MAGI2: variants seen among roughly 807,000 people sequenced by gnomAD.
MAGI2 encodes membrane-associated guanylate kinase, WW and PDZ domain-containing protein 2.
MAGI2 carries 35 observed loss-of-function variants against 133.3 expected under a neutral mutation model. The observed-to-expected ratio is 0.26, with a 90% CI of 0.20 to 0.35. The LOEUF (loss-of-function observed/expected upper bound fraction) is 0.35. MAGI2 is among the 10% of genes least tolerant of loss of function. The probability of loss-of-function intolerance (pLI) is 1.00; values close to 1 mark genes in which losing one functional copy is unlikely to be tolerated. For missense variants in MAGI2, 1,636 were observed against 1,863.4 expected (o/e 0.88, Z 2.25); for synonymous variants, 729 against 710.6 (o/e 1.03, Z -0.41).
intron 1 of MAGI2, among the ~76,000 whole-genome samples, chr7:79,153,398 A>T (rs1823459809): frequency 6.6e-6 from 1 of 152,162 alleles, no homozygotes; most frequent in Non-Finnish European, 1.5e-5. Context: ...ATAATAAAAT[A>T]GTTTTACAAA....
intron 6 of MAGI2, among the ~76,000 whole-genome samples, chr7:78,415,584 C>T (rs1015641346): frequency 1.4e-4 from 21 of 151,958 alleles, no homozygotes; most frequent in African/African-American, 4.8e-4. Context: ...TCTCTGCTCC[C>T]ATTTTCTGAT....
At chr7:79,271,643 G>A (rs1834885464) in intron 1 of MAGI2, among the ~76,000 whole-genome samples, 1 of 149,542 alleles carries the variant, frequency 6.7e-6, no homozygotes, top group African/African-American at 2.4e-5. Flanking sequence ...TATTTCTGCA[G>A]GATGCTTGCT....
chr7:78,322,487 G>A (rs1369322576), intron 9 of MAGI2, among the ~76,000 whole-genome samples: 4 of 152,064 alleles, frequency 2.6e-5, no homozygotes, highest in African/African-American at 7.2e-5. Flanking sequence ...GAAAACCATC[G>A]TTCTCAGCAA....
Position 78,277,599 on chromosome 7 carries a change from G to A in MAGI2, c.1409-21018C>T, listed in dbSNP as rs192184972. Among the ~76,000 whole-genome samples the A allele has an allele frequency of 5.3e-5, 8 of 152,240 alleles. No individual in the cohort carries two copies. The East Asian group carries it at 1.4e-3, about 26-fold the overall frequency. On this transcript the variant is annotated intron_variant, in intron 9 of 21. Coordinates refer to ENST00000354212, the MANE Select transcript of MAGI2 (RefSeq NM_012301.4). The stretch of plus-strand genomic sequence containing the variant: ...GTAAGAGAAGCCCATGAGGGAGATA[G>A]GAAAAGTGAGATTTCAGAGAAGAGT...
chr7:79,402,845 A>G (rs554445649), intron 1 of MAGI2, among the ~76,000 whole-genome samples: 4 of 152,262 alleles, frequency 2.6e-5, no homozygotes, highest in East Asian at 1.9e-4. Context: ...TATAAATTCC[A>G]TAACTTTCCA....
intron 2 of MAGI2, among the ~76,000 whole-genome samples, chr7:78,965,535 G>T (rs563299485): frequency 2.0e-5 from 3 of 151,814 alleles, no homozygotes; most frequent in South Asian, 2.1e-4. Context: ...TGTACATTTC[G>T]TTAGCCTAGA....
chr7:79,031,320 T>G (rs1340797170), intron 1 of MAGI2, among the ~76,000 whole-genome samples: 1 of 119,202 alleles, frequency 8.4e-6, no homozygotes, highest in Non-Finnish European at 1.7e-5. Context: ...CAATGCAAAT[T>G]TTGTAGGAGA....
At chr7:78,172,076 A>G (rs569791219) in intron 14 of MAGI2, among the ~76,000 whole-genome samples, 1 of 152,344 alleles carries the variant, frequency 6.6e-6, no homozygotes, top group African/African-American at 2.4e-5. Context: ...GTGAGGGCAC[A>G]GAACAAAACA....
chr7:78,623,416 T>A (rs1234275913), intron 3 of MAGI2, among the ~76,000 whole-genome samples: 2 of 152,134 alleles, frequency 1.3e-5, no homozygotes, highest in Non-Finnish European at 2.9e-5. Context: ...TTATTTAACA[T>A]CTTTGATAAA....
chr7:79,341,085 A>G (rs1051738988), intron 1 of MAGI2, among the ~76,000 whole-genome samples: 5 of 152,164 alleles, frequency 3.3e-5, no homozygotes, highest in African/African-American at 1.2e-4. Context: ...AGATCCTTAA[A>G]TCTGGAGTTA....
At chr7:79,073,345 C>G (rs1815167382) in intron 1 of MAGI2, among the ~76,000 whole-genome samples, 1 of 152,122 alleles carries the variant, frequency 6.6e-6, no homozygotes, top group Non-Finnish European at 1.5e-5. Flanking sequence ...CCTTGTTCTC[C>G]ACTAACTCTT....
intron 6 of MAGI2, among the ~76,000 whole-genome samples, chr7:78,451,427 T>C: frequency 6.6e-6 from 1 of 151,854 alleles, no homozygotes; most frequent in South Asian, 2.1e-4. Flanking sequence ...TCCAAAGGGG[T>C]TTATAGTTCT....
At chr7:79,372,106 C>T (rs1040776745) in intron 1 of MAGI2, among the ~76,000 whole-genome samples, 13 of 152,114 alleles carry the variant, frequency 8.5e-5, no homozygotes, top group African/African-American at 2.9e-4. Context: ...TTGCCTTCTT[C>T]CACTCTCTTG....
At chr7:79,447,468 C>T (rs1282732769) in intron 1 of MAGI2, among the ~76,000 whole-genome samples, 1 of 151,902 alleles carries the variant, frequency 6.6e-6, no homozygotes, top group Non-Finnish European at 1.5e-5. Flanking sequence ...TAATACTGAA[C>T]CCTGGAGCTT....
intron 1 of MAGI2, among the ~76,000 whole-genome samples, chr7:79,257,534 T>C (rs745858542): frequency 3.1e-4 from 47 of 152,230 alleles, no homozygotes; most frequent in Non-Finnish European, 5.9e-4. Context: ...AATGGCTCTT[T>C]GTCAACCTTA....
At chr7:78,970,950 G>A (rs768600037) in intron 2 of MAGI2, among the ~76,000 whole-genome samples, 7 of 152,006 alleles carry the variant, frequency 4.6e-5, no homozygotes, top group East Asian at 1.9e-4. Flanking sequence ...TTCCATCAGC[G>A]CAGGGAAGCC....
At chr7:78,385,319 C>G (rs1275582063) in intron 6 of MAGI2, among the ~76,000 whole-genome samples, 2 of 152,192 alleles carry the variant, frequency 1.3e-5, no homozygotes, top group Non-Finnish European at 2.9e-5. Flanking sequence ...AATGGACAAG[C>G]TGACCAACCT....
At position 78,345,974 on chromosome 7, in the gene MAGI2, G is replaced by T; in HGVS notation, c.1173C>A (p.Asn391Lys). ...LEAKRKLQQH[N>K]MPHTELGTKP... The stretch of plus-strand genomic sequence containing the variant: ...TTGTTCCAAGTTCTGTGTGGGGCAT[G>T]TTATGTTGCTGTAGCTTCCTTTTTG... The change falls in exon 8 of 22, where the codon AAC becomes AAA. Residue 391 changes from asparagine to lysine, a missense_variant. Physicochemically the swap from Asn to Lys is moderately conservative, Grantham distance 94. Around this residue, in one of 5 missense-constraint regions of MAGI2, gnomAD observed 920 missense variants for 1,093.5 expected, o/e 0.84. Transcript: ENST00000354212. The T allele has an allele frequency of 6.2e-7, 1 of 1,614,204 alleles. No individual in the cohort carries two copies. Among genetic ancestry groups the T allele is most frequent in the Non-Finnish European group, 8.5e-7 (1 of 1,180,026 alleles).
At chr7:78,861,328 C>T (rs755809981) in intron 2 of MAGI2, among the ~76,000 whole-genome samples, 7 of 152,212 alleles carry the variant, frequency 4.6e-5, no homozygotes, top group Non-Finnish European at 1.0e-4. Flanking sequence ...GAGTTTCAGA[C>T]TAGAGCTGTT....
Sources: gnomAD v4.1 joint callset for allele counts (sites outside exome capture counted in the v4.1 genomes callset) on GRCh38, gnomAD v4.1.1 for gene constraint, gnomAD v4.1.1 regional missense constraint, MANE v1.5 for transcripts, NCBI Gene and HGNC (gene_info 2026-07-23, HGNC 2026-07-21) for gene names.